Variants in MUSK observed in about 807,000 individuals in gnomAD.
MUSK encodes the protein muscle, skeletal receptor tyrosine-protein kinase.
MUSK carries 55 observed loss-of-function variants against 88.7 expected under a neutral mutation model. That is an observed-to-expected ratio of 0.62 (90% CI 0.50 to 0.78). The LOEUF (loss-of-function observed/expected upper bound fraction) is 0.78. MUSK is among the 30% of genes least tolerant of loss of function. The probability of loss-of-function intolerance (pLI) is 0.00; values close to 1 mark genes in which losing one functional copy is unlikely to be tolerated. For missense variants in MUSK, 1,015 were observed against 1,074.3 expected (o/e 0.94, Z 0.77); for synonymous variants, 387 against 391.9 (o/e 0.99, Z 0.15).
intron 7 of MUSK, among the ~76,000 whole-genome samples, chr9:110,749,366 A>G (rs2077219432): frequency 6.6e-6 from 1 of 152,196 alleles, no homozygotes; most frequent in Non-Finnish European, 1.5e-5. Flanking sequence ...TCATTGGAGC[A>G]GAAGATGTGG....
intron 6 of MUSK, among the ~76,000 whole-genome samples, chr9:110,738,040 TGC>T (rs2077050609): frequency 6.6e-6 from 1 of 152,170 alleles, no homozygotes; most frequent in African/African-American, 2.4e-5. Flanking sequence ...TTACAGCCCC[TGC>T]TATCTGAAGT....
At chr9:110,759,473 G>C (rs1430319322) in intron 7 of MUSK, among the ~76,000 whole-genome samples, 1 of 152,108 alleles carries the variant, frequency 6.6e-6, no homozygotes, top group Non-Finnish European at 1.5e-5. Flanking sequence ...TCTGACAAAT[G>C]GAACTTAATT....
chr9:110,689,131 C>CATAAACTATATATTTATATAAAAT (rs1554734612), intron 3 of MUSK, among the ~76,000 whole-genome samples: 6 of 125,158 alleles, frequency 4.8e-5, no homozygotes, highest in African/African-American at 6.1e-5. Context: ...ATATAAACTA[C>CATAAACTATATATTTATATAAAAT]ATAAATAAAC....
chr9:110,674,206 T>C (rs112468439), intron 1 of MUSK, among the ~76,000 whole-genome samples: 123 of 152,266 alleles, frequency 8.1e-4, no homozygotes, highest in Middle Eastern at 3.4e-3. Context: ...AGTTGGGAAA[T>C]AGCATGTGTA....
rs1444464544 is a variant in MUSK at position 110,800,784 on chromosome 9, C to T, written c.2406C>T (p.Pro802=). The change falls in exon 15 of 15, where the codon CCC becomes CCT. Residue 802 remains proline, a synonymous_variant. Coordinates refer to ENST00000374448, the MANE Select transcript of MUSK (RefSeq NM_005592.4). ...AGATCTTCTCCTATGGCCTGCAGCC[C>T]TACTATGGGATGGCCCATGAGGAGG... ...LWEIFSYGLQ[P]YYGMAHEEVI... 5 of 1,613,872 alleles carry T rather than the reference C, an allele frequency of 3.1e-6. No homozygotes were observed. In the African/African-American group the frequency reaches 6.7e-5, roughly 22 times the overall value.
chr9:110,706,206 G>A (rs1439583303), intron 5 of MUSK: 2 of 405,364 alleles, frequency 4.9e-6, no homozygotes, highest in Non-Finnish European at 1.0e-5. Flanking sequence ...GGCTCATAAA[G>A]CTTTCTTTAT....
chr9:110,696,761 GC>G (rs1214149418), intron 4 of MUSK, among the ~76,000 whole-genome samples: 1 of 152,056 alleles, frequency 6.6e-6, no homozygotes, highest in Non-Finnish European at 1.5e-5. Flanking sequence ...CATCTAGGGT[GC>G]AAGGTAAACC....
intron 14 of MUSK, among the ~76,000 whole-genome samples, chr9:110,791,087 TAA>T (rs997849772): frequency 6.7e-6 from 1 of 150,112 alleles, no homozygotes; most frequent in African/African-American, 2.4e-5. Context: ...ATCAATAGAT[TAA>T]AAGTTTCAGG....
chr9:110,800,357 A>C lies in MUSK; in HGVS notation c.1979A>C (p.Tyr660Ser). ...PMCLLFEYMA[Y>S]GDLNEFLRSM... ...TGCCTGCTCTTTGAATACATGGCCT[A>C]TGGTGACCTCAATGAGTTCCTCCGC... Residue 660 changes from tyrosine (Y) to serine (S), a missense_variant, in exon 15 of 15, where the codon TAT becomes TCT. Physicochemically the swap from Tyr to Ser is moderately radical, Grantham distance 144. Coordinates refer to ENST00000374448, the MANE Select transcript of MUSK (RefSeq NM_005592.4). 1.9e-6 allele frequency: 3 copies of C among 1,613,786 alleles called. No homozygotes were observed. The highest frequency in any genetic ancestry group is 2.5e-6 in the Non-Finnish European group (3 of 1,179,854).
rs1000913769 is a variant in MUSK, at chr9:110,804,217, A to C, written c.*3229A>C. Reference sequence around the variant, plus strand: ...TTTTTTCCAATTTTTATCATTATAAAAAATGCTGTAATTAACATCCTTATT... The same window carrying C: ...TTTTTTCCAATTTTTATCATTATAACAAATGCTGTAATTAACATCCTTATT... On this transcript the variant is annotated 3_prime_UTR_variant, in exon 15 of 15. Coordinates refer to ENST00000374448, the MANE Select transcript of MUSK (RefSeq NM_005592.4). Among the ~76,000 whole-genome samples, 1 of 152,202 alleles carries C rather than the reference A, an allele frequency of 6.6e-6. No individual in the cohort carries two copies. Among genetic ancestry groups the C allele is most frequent in the African/African-American group, 2.4e-5 (1 of 41,464 alleles).
At chr9:110,711,551 G>A (rs556649622) in intron 5 of MUSK, among the ~76,000 whole-genome samples, 38 of 152,288 alleles carry the variant, frequency 2.5e-4, no homozygotes, top group African/African-American at 8.4e-4. Context: ...TACTGCAGAC[G>A]AAATCTTATG....
chr9:110,679,681 C>T (rs1161957121), intron 1 of MUSK, among the ~76,000 whole-genome samples: 1 of 151,542 alleles, frequency 6.6e-6, no homozygotes, highest in East Asian at 1.9e-4. Flanking sequence ...CTTTCTGGTA[C>T]CTCTTTTTTT....
intron 14 of MUSK, among the ~76,000 whole-genome samples, chr9:110,790,145 G>T (rs575561359): frequency 6.6e-6 from 1 of 152,198 alleles, no homozygotes; most frequent in African/African-American, 2.4e-5. Context: ...TTTTAAATAG[G>T]TGAAAGTGAG....
At position 110,682,732 on chromosome 9, in the gene MUSK, T is replaced by C. The variant is rs776479773; in HGVS notation, c.138T>C (p.Thr46=). Residue 46 remains threonine, a synonymous_variant, in exon 2 of 15, where the codon ACT becomes ACC. Transcript: ENST00000374448. ...TVDALVEEVA[T]FMCAVESYPQ... The stretch of plus-strand genomic sequence containing the variant: ...ATGCCTTAGTTGAAGAAGTGGCTAC[T>C]TTCATGTGTGCAGTGGAATCCTACC... 1 of 1,612,888 alleles carries C rather than the reference T, an allele frequency of 6.2e-7. No homozygotes were observed. The highest frequency in any genetic ancestry group is 1.3e-5 in the African/African-American group (1 of 74,892).
At chr9:110,767,689 T>A in intron 8 of MUSK, 131 bp from the exon 9 acceptor site, 2 of 958,684 alleles carry the variant, frequency 2.1e-6, no homozygotes, top group Non-Finnish European at 1.6e-6. Context: ...ATGGAGCGTG[T>A]CAACCAATTT....
intron 1 of MUSK, among the ~76,000 whole-genome samples, chr9:110,674,500 T>C (rs921896702): frequency 4.6e-5 from 7 of 152,110 alleles, no homozygotes; most frequent in Non-Finnish European, 1.0e-4. Flanking sequence ...ATTAATAGAA[T>C]TTAGTACAAT....
At chr9:110,720,101 C>T (rs768377988) in intron 5 of MUSK, among the ~76,000 whole-genome samples, 9 of 151,850 alleles carry the variant, frequency 5.9e-5, no homozygotes, top group East Asian at 1.9e-4. Context: ...ACAGCAAAAA[C>T]GGTACTAAGA....
chr9:110,774,827 G>T (rs184718476), intron 9 of MUSK, among the ~76,000 whole-genome samples: 1 of 150,488 alleles, frequency 6.6e-6, no homozygotes, highest in African/African-American at 2.4e-5. Context: ...TAGGAGTGTG[G>T]GAATAAGTAT....
At chr9:110,786,126 C>A (rs1471213912) in intron 13 of MUSK, among the ~76,000 whole-genome samples, 2 of 151,230 alleles carry the variant, frequency 1.3e-5, no homozygotes, top group Non-Finnish European at 2.9e-5. Flanking sequence ...GCCTGGCCAA[C>A]ATGGCGAAAC....
Sources: allele counts gnomAD v4.1 joint callset (sites outside exome capture counted in the v4.1 genomes callset), GRCh38; gene constraint gnomAD v4.1.1; transcripts MANE v1.5; gene names NCBI Gene and HGNC (gene_info 2026-07-23, HGNC 2026-07-21).